Variants in ANK2 observed in about 807,000 individuals in gnomAD.
ANK2 encodes the protein ankyrin-2.
Under a neutral mutation model 360.5 loss-of-function variants are expected in ANK2, and 83 were observed. The observed-to-expected ratio is 0.23, with a 90% CI of 0.19 to 0.28. The LOEUF (loss-of-function observed/expected upper bound fraction) is 0.28, where lower values mean the gene tolerates loss of function less well. Ranked by LOEUF, ANK2 falls within the 10% of genes least tolerant of loss-of-function variation. The pLI is 1.00. For synonymous variants in ANK2, 1,740 were observed against 1,759.5 expected, an observed-to-expected ratio of 0.99 and a Z score of 0.28; for missense variants, 4,201 against 4,795.7, an observed-to-expected ratio of 0.88 and a Z score of 3.66.
At chr4:113,309,465 CACTT>C (rs1329303625) in intron 23 of ANK2, among the ~76,000 whole-genome samples, 1 of 152,150 alleles carries the variant, frequency 6.6e-6, no homozygotes, top group Non-Finnish European at 1.5e-5. Flanking sequence ...AAAGGACATT[CACTT>C]AGGAACTCAG....
At chr4:113,297,700 A>G (rs962419276) in intron 22 of ANK2, among the ~76,000 whole-genome samples, 2 of 152,132 alleles carry the variant, frequency 1.3e-5, no homozygotes, top group Non-Finnish European at 2.9e-5. Context: ...TTCTTGCACA[A>G]ACAATATCAA....
Position 113,354,018 on chromosome 4 carries a change from G to A in ANK2, c.5400G>A (p.Lys1800=). Residue 1800 remains lysine (K), a synonymous_variant, in exon 38 of 46, where the codon AAG becomes AAA. Transcript: ENST00000357077. Reference sequence around the variant, plus strand: ...AAGGCAAGGAGGACGTGCCAAAAAAGACCACCCACAGGCCACATCCAGCTG... The same window carrying A: ...AAGGCAAGGAGGACGTGCCAAAAAAAACCACCCACAGGCCACATCCAGCTG... ...RVKGKEDVPK[K]TTHRPHPAAS... The A allele has an allele frequency of 2.5e-6, 4 of 1,614,056 alleles. No homozygotes were observed. In the South Asian group the frequency reaches 4.4e-5, roughly 18 times the overall value.
chr4:113,303,402 T>TC (rs1172951796), intron 23 of ANK2, among the ~76,000 whole-genome samples: 5 of 152,066 alleles, frequency 3.3e-5, no homozygotes. Context: ...TCAGAAAATA[T>TC]CCCCCCTATA....
At chr4:113,246,464 C>T (rs941160099) in intron 9 of ANK2, among the ~76,000 whole-genome samples, 1 of 151,894 alleles carries the variant, frequency 6.6e-6, no homozygotes, top group Non-Finnish European at 1.5e-5. Flanking sequence ...TCTGAAAGAC[C>T]TCATTTCAAT....
intron 1 of ANK2, among the ~76,000 whole-genome samples, chr4:113,168,404 A>G (rs1288961720): frequency 6.6e-6 from 1 of 152,238 alleles, no homozygotes; most frequent in East Asian, 1.9e-4. Flanking sequence ...GCATTTATAG[A>G]GTTCACTTTT....
the ANK2 span, among the ~76,000 whole-genome samples, chr4:112,762,654 C>A: frequency 3.9e-5 from 6 of 152,108 alleles, no homozygotes; most frequent in Non-Finnish European, 7.4e-5. Flanking sequence ...GGACTACAGG[C>A]CTGCGCCACC....
At chr4:112,874,809 A>G (rs114263073) in intron 1 of ANK2, among the ~76,000 whole-genome samples, 1,693 of 152,246 alleles carry the variant, frequency 0.011, 21 homozygotes, top group African/African-American at 0.029. Context: ...TGGGAAATCA[A>G]TGGAGGTTTT....
At chr4:113,348,244 T>C in intron 35 of ANK2, 32 bp from the exon 36 acceptor site, 1 of 1,611,142 alleles carries the variant, frequency 6.2e-7, no homozygotes. Flanking sequence ...TCTCTCTTTT[T>C]TCCATCTTGC....
Position 112,843,655 on chromosome 4 carries a change from T to C in ANK2, c.-40+25391T>C, listed in dbSNP as rs1416736599. 3.9e-5 allele frequency among the ~76,000 whole-genome samples: 6 copies of C among 152,308 alleles called. No homozygotes were observed. The East Asian group carries it at 1.2e-3, about 29-fold the overall frequency. On this transcript the variant is annotated intron_variant, in intron 1 of 30. Coordinates refer to the ANK2 transcript ENST00000503271. ...TGCAATTTTTCCCAAAATGAATGAA[T>C]TTCCCAAAAAATGAAAATTTTTTTT...
intron 2 of ANK2, among the ~76,000 whole-genome samples, chr4:112,926,552 T>A (rs890357158): frequency 2.6e-5 from 4 of 152,178 alleles, no homozygotes; most frequent in African/African-American, 7.2e-5. Flanking sequence ...CTAGGTGTTG[T>A]CTAACAGACC....
rs181991658 is a variant in ANK2 at position 112,997,068 on chromosome 4, A to G, written c.21+92554A>G. Among the ~76,000 whole-genome samples the G allele has an allele frequency of 3.8e-3, 577 of 152,102 alleles. 2 individuals carry two copies. The highest frequency in any genetic ancestry group is 5.8e-3 in the Non-Finnish European group (391 of 67,976). On this transcript the variant is annotated intron_variant, in intron 2 of 30. Transcript: ENST00000503271. ...TTTTCCTGTATTTTTCAAACTGCAC[A>G]TATGTCCCTGCTCTATGGATTTTTT...
At chr4:112,882,778 T>C (rs1022812164) in intron 1 of ANK2, among the ~76,000 whole-genome samples, 1 of 151,976 alleles carries the variant, frequency 6.6e-6, no homozygotes, top group Admixed American at 6.6e-5. Context: ...TAATATTTAA[T>C]GTAGTTTTAG....
chr4:113,116,141 T>C (rs2094746894), intron 1 of ANK2, among the ~76,000 whole-genome samples: 1 of 152,190 alleles, frequency 6.6e-6, no homozygotes, highest in African/African-American at 2.4e-5. Flanking sequence ...GCCTCCCTAT[T>C]GGGTGTATAT....
chr4:112,967,704 A>G (rs573937207), intron 2 of ANK2, among the ~76,000 whole-genome samples: 93 of 152,298 alleles, frequency 6.1e-4, no homozygotes, highest in Admixed American at 1.5e-3. Flanking sequence ...TTGATGTTAT[A>G]TCAGTTTTTA....
intron 1 of ANK2, among the ~76,000 whole-genome samples, chr4:113,082,476 A>AT (rs1278889363): frequency 2.6e-5 from 4 of 152,110 alleles, no homozygotes; most frequent in South Asian, 2.1e-4. Flanking sequence ...CATATTTTCA[A>AT]TTTTTTTAGT....
At chr4:113,004,688 T>C (rs985612381) in intron 2 of ANK2, among the ~76,000 whole-genome samples, 1 of 152,236 alleles carries the variant, frequency 6.6e-6, no homozygotes, top group Non-Finnish European at 1.5e-5. Context: ...ACCAGTTACA[T>C]AGTAGTTTAT....
intron 1 of ANK2, among the ~76,000 whole-genome samples, chr4:112,834,169 C>A (rs943863249): frequency 1.3e-5 from 2 of 152,062 alleles, no homozygotes; most frequent in Non-Finnish European, 2.9e-5. Context: ...TAGCCATTAC[C>A]CAGTTCAATG....
chr4:112,755,422 G>A, the ANK2 span, among the ~76,000 whole-genome samples: 1 of 152,212 alleles, frequency 6.6e-6, no homozygotes, highest in Non-Finnish European at 1.5e-5. Context: ...CCTGGGTGCA[G>A]GCAGGCTGAG....
At chr4:112,722,338 C>T in the ANK2 span, among the ~76,000 whole-genome samples, 1 of 152,134 alleles carries the variant, frequency 6.6e-6, no homozygotes, top group Admixed American at 6.6e-5. Flanking sequence ...ATGCAAGATC[C>T]TGCCTAAAAC....
Sources: allele counts gnomAD v4.1 joint callset (sites outside exome capture counted in the v4.1 genomes callset), GRCh38; gene constraint gnomAD v4.1.1; transcripts MANE v1.5; gene names NCBI Gene and HGNC (gene_info 2026-07-23, HGNC 2026-07-21).